GALNTL6: variants seen among roughly 807,000 people sequenced by gnomAD.
The protein encoded by GALNTL6 is polypeptide N-acetylgalactosaminyltransferase like 6, also known as polypeptide N-acetylgalactosaminyltransferase-like 6.
A neutral mutation model predicts 73.7 loss-of-function variants in GALNTL6; 46 were observed. The ratio of observed to expected loss-of-function variants is 0.62; its 90% CI spans 0.49 to 0.80. The LOEUF is 0.80. Ranked by LOEUF, GALNTL6 falls within the 30% of genes least tolerant of loss-of-function variation. The pLI, the probability that GALNTL6 is intolerant of heterozygous loss-of-function variation, is 0.00. For missense variants in GALNTL6, 604 were observed against 755.0 expected, an observed-to-expected ratio of 0.80 and a Z score of 2.34; for synonymous variants, 259 against 263.7, an observed-to-expected ratio of 0.98 and a Z score of 0.17.
intron 2 of GALNTL6, among the ~76,000 whole-genome samples, chr4:172,137,663 A>G (rs1176163241): frequency 6.6e-6 from 1 of 152,230 alleles, no homozygotes; most frequent in African/African-American, 2.4e-5. Context: ...CTACAGGCAG[A>G]CAGATGAAGG....
intron 5 of GALNTL6, among the ~76,000 whole-genome samples, chr4:172,658,476 A>G (rs1330445262): frequency 6.6e-6 from 1 of 151,870 alleles, no homozygotes; most frequent in East Asian, 1.9e-4. Context: ...CAAAAAAAAA[A>G]AAAAAGAAAG....
At position 172,615,289 on chromosome 4, in the gene GALNTL6, A is replaced by G. The variant is rs116158070; in HGVS notation, c.554-194072A>G. On this transcript the variant is annotated intron_variant, in intron 5 of 12. Coordinates refer to ENST00000506823, the MANE Select transcript of GALNTL6 (RefSeq NM_001034845.3). ...CATGCTCCTGTTCTTTTGACATTATATACCTCTTATTGTTTTTCCTTTTTA... is the reference window on the plus strand; with the variant it reads ...CATGCTCCTGTTCTTTTGACATTATGTACCTCTTATTGTTTTTCCTTTTTA... Among the ~76,000 whole-genome samples the G allele has an allele frequency of 8.6e-3, 1,310 of 151,716 alleles. 21 individuals are homozygous for G. The highest frequency in any genetic ancestry group is 0.03 in the African/African-American group (1,240 of 41,376).
chr4:172,819,351 A>G (rs1741796063), intron 7 of GALNTL6, among the ~76,000 whole-genome samples: 1 of 152,256 alleles, frequency 6.6e-6, no homozygotes, highest in Non-Finnish European at 1.5e-5. Flanking sequence ...GTTCTTAGGC[A>G]ACAAATATAA....
At chr4:172,606,499 G>C (rs1380468807) in intron 5 of GALNTL6, among the ~76,000 whole-genome samples, 1 of 144,228 alleles carries the variant, frequency 6.9e-6, no homozygotes, top group Admixed American at 7.0e-5. Flanking sequence ...TAGCTAATAA[G>C]AGTACAGAAG....
chr4:172,419,169 T>C (rs1458464086), intron 5 of GALNTL6, among the ~76,000 whole-genome samples: 1 of 152,096 alleles, frequency 6.6e-6, no homozygotes, highest in East Asian at 1.9e-4. Flanking sequence ...ATGAATTTCA[T>C]GAATATCGAG....
chr4:172,166,014 A>G (rs1483913833), intron 2 of GALNTL6, among the ~76,000 whole-genome samples: 1 of 152,228 alleles, frequency 6.6e-6, no homozygotes, highest in East Asian at 1.9e-4. Flanking sequence ...CTAGAATAAG[A>G]TAAACAAAAT....
chr4:172,404,080 C>G (rs1031729878), intron 5 of GALNTL6, among the ~76,000 whole-genome samples: 4 of 151,398 alleles, frequency 2.6e-5, no homozygotes, highest in Non-Finnish European at 5.9e-5. Flanking sequence ...TCATTTATTT[C>G]TCTTTCTCTC....
chr4:172,617,097 C>T (rs752109320), intron 5 of GALNTL6, among the ~76,000 whole-genome samples: 13 of 151,484 alleles, frequency 8.6e-5, no homozygotes, highest in South Asian at 4.2e-4. Flanking sequence ...ATTTTCTGGA[C>T]GGCTTCTCCT....
intron 5 of GALNTL6, among the ~76,000 whole-genome samples, chr4:172,683,928 G>A (rs1732774724): frequency 6.6e-6 from 1 of 152,150 alleles, no homozygotes; most frequent in South Asian, 2.1e-4. Flanking sequence ...CCATTCCTAT[G>A]ACTTAGAAAG....
At chr4:171,833,134 T>A (rs1735021103) in intron 2 of GALNTL6, among the ~76,000 whole-genome samples, 1 of 151,804 alleles carries the variant, frequency 6.6e-6, no homozygotes, top group Non-Finnish European at 1.5e-5. Context: ...GACAAAATTA[T>A]ATATGATATC....
At chr4:172,386,242 C>T (rs1391513852) in intron 5 of GALNTL6, among the ~76,000 whole-genome samples, 1 of 152,122 alleles carries the variant, frequency 6.6e-6, no homozygotes, top group East Asian at 1.9e-4. Flanking sequence ...AACAAAAATA[C>T]ATACACTGAG....
At position 171,867,989 on chromosome 4, in the gene GALNTL6, C is replaced by CTT. The variant is rs35316583; in HGVS notation, c.138+53285_138+53286dup. Among the ~76,000 whole-genome samples, 905 of 136,684 alleles carry CTT rather than the reference C, an allele frequency of 6.6e-3. 8 individuals carry two copies. The highest frequency in any genetic ancestry group is 0.017 in the African/African-American group (628 of 36,656). 89.7% of individuals were successfully genotyped at this position (136,684 alleles called of 152,430 possible). A position where few individuals can be genotyped will look rare whatever the true frequency, so the allele number is the denominator to read the frequency against. The stretch of plus-strand genomic sequence containing the variant: ...TCTAGAAATCTTTAATTTTGAGGTG[C>CTT]TTTTTTTTTTTTTTTGAGACACAGT... On this transcript the variant is annotated intron_variant, in intron 2 of 12. Transcript: ENST00000506823.
intron 5 of GALNTL6, among the ~76,000 whole-genome samples, chr4:172,571,628 G>A (rs1307781207): frequency 6.6e-6 from 1 of 152,160 alleles, no homozygotes; most frequent in Non-Finnish European, 1.5e-5. Flanking sequence ...GGCTTCCACT[G>A]AGTGCAAGAA....
chr4:172,156,576 A>ATATG (rs1560945863), intron 2 of GALNTL6, among the ~76,000 whole-genome samples: 1 of 139,848 alleles, frequency 7.2e-6, no homozygotes, highest in African/African-American at 2.8e-5. Flanking sequence ...TACATACTAT[A>ATATG]TATATATAGT....
intron 2 of GALNTL6, among the ~76,000 whole-genome samples, chr4:171,925,494 G>GA (rs1737948863): frequency 6.6e-6 from 1 of 152,048 alleles, no homozygotes; most frequent in South Asian, 2.1e-4. Context: ...AGAATTTGGG[G>GA]AAAAAACTAG....
chr4:171,946,559 C>G (rs1431353510), intron 2 of GALNTL6, among the ~76,000 whole-genome samples: 1 of 152,166 alleles, frequency 6.6e-6, no homozygotes, highest in Non-Finnish European at 1.5e-5. Context: ...TAAGCCTCAT[C>G]GAGCTCGTCT....
chr4:172,165,147 A>T (rs1734582337), intron 2 of GALNTL6, among the ~76,000 whole-genome samples: 1 of 152,028 alleles, frequency 6.6e-6, no homozygotes, highest in Admixed American at 6.5e-5. Context: ...CTCTTCATTG[A>T]TTGTGCCATC....
intron 5 of GALNTL6, among the ~76,000 whole-genome samples, chr4:172,752,408 A>G (rs1183754637): frequency 6.6e-6 from 1 of 152,132 alleles, no homozygotes; most frequent in African/African-American, 2.4e-5. Flanking sequence ...AGCAATATAC[A>G]TCCAATTTTG....
rs114861904 is a variant in GALNTL6 at position 172,680,278 on chromosome 4, T to A, written c.554-129083T>A. 1.0e-3 allele frequency among the ~76,000 whole-genome samples: 153 copies of A among 152,310 alleles called. 1 individual carries two copies. Among genetic ancestry groups the A allele is most frequent in the African/African-American group, 3.5e-3 (146 of 41,572 alleles). The stretch of plus-strand genomic sequence containing the variant: ...GGGAAGCTGCCAGTCTACCTAAGGT[T>A]GCAGAGCTAATAAGAAGTGGCAGAG... On this transcript the variant is annotated intron_variant, in intron 5 of 12. Transcript: ENST00000506823.
Sources: allele counts gnomAD v4.1 joint callset (sites outside exome capture counted in the v4.1 genomes callset), GRCh38; gene constraint gnomAD v4.1.1; transcripts MANE v1.5; gene names NCBI Gene and HGNC (gene_info 2026-07-23, HGNC 2026-07-21).